PCDHGA2: variants seen among roughly 807,000 people sequenced by gnomAD.
PCDHGA2 encodes protocadherin gamma-A2.
Under a neutral mutation model 59.2 loss-of-function variants are expected in PCDHGA2, and 40 were observed. The ratio of observed to expected loss-of-function variants is 0.68; its 90% confidence interval spans 0.52 to 0.88. The LOEUF (loss-of-function observed/expected upper bound fraction) is 0.88, where lower values mean the gene tolerates loss of function less well. Among genes scored for constraint, PCDHGA2 ranks in the 40% least tolerant of loss-of-function variants. The probability of loss-of-function intolerance (pLI) is 0.00; values close to 1 mark genes in which losing one functional copy is unlikely to be tolerated. For missense variants in PCDHGA2, 1,226 were observed against 1,204.0 expected, an observed-to-expected ratio of 1.02 and a Z score of -0.27; for synonymous variants, 560 against 526.0, an observed-to-expected ratio of 1.06 and a Z score of -0.89.
chr5:141,371,546 C>T, intron 1 of PCDHGA2: 1 of 1,613,690 alleles, frequency 6.2e-7, no homozygotes, highest in Non-Finnish European at 8.5e-7. Flanking sequence ...AAATCCTATG[C>T]CAACTAAAAG....
chr5:141,501,335 C>CA (rs2099808433), intron 2 of PCDHGA2, among the ~76,000 whole-genome samples: 1 of 135,634 alleles, frequency 7.4e-6, no homozygotes, highest in Non-Finnish European at 1.6e-5. Context: ...ACACACACAC[C>CA]CCAAACTCAA....
chr5:141,351,649 T>C (rs1561500860), intron 1 of PCDHGA2: 1 of 1,614,032 alleles, frequency 6.2e-7, no homozygotes, highest in African/African-American at 1.3e-5. Context: ...ACAACCCACC[T>C]GGCGCCTCCA....
At chr5:141,500,221 TTTA>T (rs1428029040) in intron 2 of PCDHGA2, among the ~76,000 whole-genome samples, 2 of 151,002 alleles carry the variant, frequency 1.3e-5, no homozygotes, top group Non-Finnish European at 2.9e-5. Flanking sequence ...TATTTATTTA[TTTA>T]TTGATACGTA....
chr5:141,411,237 T>C (rs1472710660), intron 1 of PCDHGA2: 1 of 152,116 alleles, frequency 6.6e-6, no homozygotes, highest in Non-Finnish European at 1.5e-5. Flanking sequence ...GAAGACTTAG[T>C]GAATTTACGA....
At chr5:141,427,870 C>T (rs773176633) in intron 1 of PCDHGA2, 86 of 1,558,630 alleles carry the variant, frequency 5.5e-5, no homozygotes, top group Non-Finnish European at 4.8e-5. Context: ...TTCGAGCTCA[C>T]GATGCAGGCC....
intron 1 of PCDHGA2, among the ~76,000 whole-genome samples, chr5:141,387,190 T>C (rs2090856336): frequency 1.3e-5 from 2 of 152,124 alleles, no homozygotes; most frequent in African/African-American, 2.4e-5. Context: ...AAAAGGCAAT[T>C]TTGGTATTAC....
chr5:141,417,896 C>G, intron 1 of PCDHGA2: 1 of 1,576,868 alleles, frequency 6.3e-7, no homozygotes, highest in Non-Finnish European at 8.6e-7. Flanking sequence ...CCGGGCCGGC[C>G]CGCGGCAGGT....
chr5:141,408,197 C>A (rs2095057098), intron 1 of PCDHGA2: 5 of 1,546,080 alleles, frequency 3.2e-6, no homozygotes, highest in Non-Finnish European at 4.4e-6. Context: ...AGAACCCGAG[C>A]GAACGATGGG....
chr5:141,452,748 A>G (rs2098748275), intron 1 of PCDHGA2, among the ~76,000 whole-genome samples: 1 of 152,058 alleles, frequency 6.6e-6, no homozygotes, highest in Admixed American at 6.6e-5. Flanking sequence ...GAGAGAAGGA[A>G]GAAGGAAGGG....
In PCDHGA2 at chr5:141,340,515, A is replaced by G. The variant is rs553678210; in HGVS notation, c.1544A>G (p.Tyr515Cys). ...ATCAACTCCGACACTGGAGTACTCT[A>G]TGCACTGCGCTCCTTTGATTATGAG... is the stretch of plus-strand genomic sequence containing the variant. ...ISINSDTGVL[Y>C]ALRSFDYEQL... The change falls in exon 1 of 4, where the codon TAT (tyrosine) becomes TGT (cysteine). Residue 515 changes from tyrosine (Y) to cysteine (C), a missense_variant. Coordinates refer to ENST00000394576, the MANE Select transcript of PCDHGA2 (RefSeq NM_018915.4). 3.7e-6 allele frequency: 6 copies of G among 1,614,186 alleles called. No homozygotes were observed. In the South Asian group the frequency reaches 5.5e-5, roughly 15 times the overall value.
intron 1 of PCDHGA2, chr5:141,383,863 C>T: frequency 6.2e-7 from 1 of 1,613,890 alleles, no homozygotes; most frequent in South Asian, 1.1e-5. Flanking sequence ...GGTTCAGGCT[C>T]AAGATGGTCC....
chr5:141,384,094 G>C (rs1223052119), intron 1 of PCDHGA2: 4 of 1,596,266 alleles, frequency 2.5e-6, no homozygotes, highest in Non-Finnish European at 3.4e-6. Flanking sequence ...AAAATCAATA[G>C]ATAATTATTA....
intron 1 of PCDHGA2, among the ~76,000 whole-genome samples, chr5:141,433,513 C>T (rs2097615953): frequency 6.6e-6 from 1 of 152,066 alleles, no homozygotes; most frequent in Non-Finnish European, 1.5e-5. Flanking sequence ...GGATTACAGG[C>T]GTGAACCACA....
In PCDHGA2 at chr5:141,405,117, C is replaced by T. The variant is rs200108286; in HGVS notation, c.2424+63722C>T. On this transcript the variant is annotated intron_variant, in intron 1 of 3. Transcript: ENST00000394576. The stretch of plus-strand genomic sequence containing the variant: ...CTCAGGCTGAGGCACTGGCACTCCT[C>T]GCATCTGCTGCGGGCTACCAGTGAT... The T allele has an allele frequency of 5.6e-5, 90 of 1,613,980 alleles. No individual in the cohort carries two copies. In the East Asian group the frequency reaches 9.6e-4, roughly 17 times the overall value.
chr5:141,371,887 C>G (rs372336757), intron 1 of PCDHGA2: 41 of 1,613,306 alleles, frequency 2.5e-5, no homozygotes, highest in Non-Finnish European at 3.4e-5. Context: ...GACCTGGAGC[C>G]GCGGGAGCTG....
At position 141,338,769 on chromosome 5, in the gene PCDHGA2, A is replaced by G. The variant is rs760986134; in HGVS notation, c.-203A>G. 3.2e-5 allele frequency: 41 copies of G among 1,278,456 alleles called. No individual in the cohort carries two copies. The highest frequency in any genetic ancestry group is 3.9e-5 in the Non-Finnish European group (40 of 1,013,842). 79.2% of individuals were successfully genotyped at this position (1,278,456 alleles called of 1,614,324 possible). On this transcript the variant is annotated 5_prime_UTR_variant, in exon 1 of 4. Transcript: ENST00000394576. ...AGGCAGCGAGACATCCAATCCAGCAATACGGCTCCCACAGCACAAGGGGGT... is the reference window on the plus strand; with the variant it reads ...AGGCAGCGAGACATCCAATCCAGCAGTACGGCTCCCACAGCACAAGGGGGT...
At chr5:141,408,396 A>G (rs764101918) in intron 1 of PCDHGA2, 18 of 1,614,020 alleles carry the variant, frequency 1.1e-5, no homozygotes, top group South Asian at 5.5e-5. Flanking sequence ...TCGGCTCGCA[A>G]GCTGCGAGTG....
At chr5:141,380,618 G>A (rs531927290) in intron 1 of PCDHGA2, among the ~76,000 whole-genome samples, 15 of 152,210 alleles carry the variant, frequency 9.9e-5, no homozygotes, top group South Asian at 4.1e-4. Flanking sequence ...TATGATGTTC[G>A]ATAACTTAGA....
rs545421792 is a variant in PCDHGA2 at position 141,414,806 on chromosome 5, C to T, written c.2424+73411C>T. ...GTGACAGCCAGCGACAGCGGGGATC[C>T]TCCACTCAGCAGCAACGTGTCGTTG... On this transcript the variant is annotated intron_variant, in intron 1 of 3. Coordinates refer to ENST00000394576, the MANE Select transcript of PCDHGA2 (RefSeq NM_018915.4). 2.2e-5 allele frequency: 36 copies of T among 1,614,244 alleles called. No individual in the cohort carries two copies. The South Asian group carries it at 3.1e-4, about 14-fold the overall frequency.
Sources: gnomAD v4.1 joint callset for allele counts (sites outside exome capture counted in the v4.1 genomes callset) on GRCh38, gnomAD v4.1.1 for gene constraint, MANE v1.5 for transcripts, NCBI Gene and HGNC (gene_info 2026-07-23, HGNC 2026-07-21) for gene names.